CAMTA1: variants seen among roughly 807,000 people sequenced by gnomAD.
CAMTA1 encodes calmodulin binding transcription activator 1, also known as calmodulin-binding transcription activator 1.
A neutral mutation model predicts 170.9 loss-of-function variants in CAMTA1; 27 were observed. That is an observed-to-expected ratio of 0.16 (90% CI 0.12 to 0.22). The LOEUF (loss-of-function observed/expected upper bound fraction) is 0.22, where lower values mean the gene tolerates loss of function less well. Ranked by LOEUF, CAMTA1 falls within the 10% of genes least tolerant of loss-of-function variation. CAMTA1 has a pLI of 1.00. For missense variants in CAMTA1, 1,619 were observed against 2,217.2 expected (o/e 0.73, Z 5.42); for synonymous variants, 833 against 891.5 (o/e 0.93, Z 1.17).
chr1:7,630,659 C>T (rs879375155), intron 6 of CAMTA1, among the ~76,000 whole-genome samples: 2 of 152,240 alleles, frequency 1.3e-5, no homozygotes. Context: ...CCTGCTGGCG[C>T]ACAGGCTTGC....
rs1303349992 is a variant in CAMTA1, at chr1:7,276,293, ATATATATATATTTT to A, written c.438+26669_438+26682del. ...TACACCTGATCATATATATATATATATATATATATATTTTTTTTTTTTTTTTTTCTTTTTGAGAC... is the reference window on the plus strand; with the variant it reads ...TACACCTGATCATATATATATATATATTTTTTTTTTTTTTCTTTTTGAGAC... On this transcript the variant is annotated intron_variant, in intron 5 of 22. Coordinates refer to ENST00000303635, the MANE Select transcript of CAMTA1 (RefSeq NM_015215.4). Among the ~76,000 whole-genome samples, 17 of 22,058 alleles carry A rather than the reference ATATATATATATTTT, an allele frequency of 7.7e-4. 1 individual carries two copies. Among genetic ancestry groups the A allele is most frequent in the African/African-American group, 2.7e-3 (5 of 1,864 alleles). 14.5% of individuals were successfully genotyped at this position (22,058 alleles called of 152,430 possible). A position where few individuals can be genotyped will look rare whatever the true frequency, so the allele number is the denominator to read the frequency against.
In CAMTA1 at chr1:6,930,108, C is replaced by T. The variant is rs548295557; in HGVS notation, c.234+104898C>T. Among the ~76,000 whole-genome samples, 10 of 152,308 alleles carry T rather than the reference C, an allele frequency of 6.6e-5. No homozygotes were observed. In the South Asian group the frequency reaches 1.5e-3, roughly 22 times the overall value. On this transcript the variant is annotated intron_variant, in intron 3 of 22. Transcript: ENST00000303635. ...GTTTTAGGGTGAGCCTTTGCACATG[C>T]TCTTCCTTCTGCCTCCAGTACCTTG...
At position 7,767,347 on chromosome 1, in the gene CAMTA1, A is replaced by G. The variant is rs544483462; in HGVS notation, c.*856A>G. On this transcript the variant is annotated 3_prime_UTR_variant, in exon 23 of 23. Transcript: ENST00000303635. ...AGAATTACTTAAGAATTGGTAACGC[A>G]TGTAGCCTTTTTTAGTAACCTTGGA... 1.0e-4 allele frequency: 16 copies of G among 152,890 alleles called. No homozygotes were observed. The highest frequency in any genetic ancestry group is 3.8e-4 in the African/African-American group (16 of 41,568). 9.5% of individuals were successfully genotyped at this position (152,890 alleles called of 1,614,324 possible).
At chr1:7,397,362 A>T (rs2089406519) in intron 5 of CAMTA1, among the ~76,000 whole-genome samples, 1 of 151,394 alleles carries the variant, frequency 6.6e-6, no homozygotes, top group Non-Finnish European at 1.5e-5. Context: ...GATTTTTTTT[A>T]AATTTGAGTT....
chr1:7,012,298 G>A (rs921151549), intron 3 of CAMTA1, among the ~76,000 whole-genome samples: 2 of 152,096 alleles, frequency 1.3e-5, no homozygotes, highest in Non-Finnish European at 2.9e-5. Flanking sequence ...GACCTTGCCA[G>A]GTAGAGATAA....
intron 5 of CAMTA1, among the ~76,000 whole-genome samples, chr1:7,365,412 C>T (rs964501777): frequency 3.3e-5 from 5 of 152,142 alleles, no homozygotes; most frequent in Non-Finnish European, 1.5e-5. Context: ...GAAAGGAATT[C>T]CTCTCTCCTG....
At chr1:7,052,280 G>A (rs757082749) in intron 3 of CAMTA1, among the ~76,000 whole-genome samples, 3 of 151,932 alleles carry the variant, frequency 2.0e-5, no homozygotes, top group East Asian at 1.9e-4. Flanking sequence ...GTTTCGTGTC[G>A]TTCTCTCCGA....
rs190622954 is a variant in CAMTA1 at position 7,638,503 on chromosome 1, G to C, written c.511-1897G>C. Among the ~76,000 whole-genome samples the C allele has an allele frequency of 9.9e-5, 15 of 152,216 alleles. No homozygotes were observed. The East Asian group carries it at 1.5e-3, about 16-fold the overall frequency. On this transcript the variant is annotated intron_variant, in intron 6 of 22. Coordinates refer to ENST00000303635, the MANE Select transcript of CAMTA1 (RefSeq NM_015215.4). ...TAAAAATACAAAAATTAGCCGGGCT[G>C]TGGTGGCGTGCACGTGTAATCCCAG...
At chr1:6,950,175 A>G (rs2149471240) in intron 3 of CAMTA1, among the ~76,000 whole-genome samples, 1 of 152,324 alleles carries the variant, frequency 6.6e-6, no homozygotes, top group South Asian at 2.1e-4. Flanking sequence ...GGGCGGAGGC[A>G]GCAAGGAGGG....
intron 6 of CAMTA1, among the ~76,000 whole-genome samples, chr1:7,590,826 G>A (rs994634738): frequency 1.3e-5 from 2 of 152,224 alleles, no homozygotes; most frequent in African/African-American, 4.8e-5. Flanking sequence ...TTTCCCCAGA[G>A]CTGACGGCAG....
chr1:6,947,647 G>A (rs1687798775), intron 3 of CAMTA1, among the ~76,000 whole-genome samples: 2 of 151,854 alleles, frequency 1.3e-5, no homozygotes, highest in Non-Finnish European at 2.9e-5. Flanking sequence ...CTCCCAAAGT[G>A]CTGGGATTAC....
intron 5 of CAMTA1, among the ~76,000 whole-genome samples, chr1:7,356,878 T>G (rs569492213): frequency 2.6e-5 from 4 of 152,186 alleles, no homozygotes; most frequent in African/African-American, 7.2e-5. Context: ...ACCTGCTTCC[T>G]GGGGTTGAGA....
At chr1:7,612,112 G>T (rs936205752) in intron 6 of CAMTA1, among the ~76,000 whole-genome samples, 1 of 152,224 alleles carries the variant, frequency 6.6e-6, no homozygotes, top group Non-Finnish European at 1.5e-5. Flanking sequence ...GCTCAGTGGA[G>T]AGTCAGGATG....
Position 7,665,223 on chromosome 1 carries a change from CCT to C in CAMTA1, c.2652+25_2652+26del. 7.0e-7 allele frequency: 1 copy of C among 1,434,780 alleles called. No individual in the cohort carries two copies. The highest frequency in any genetic ancestry group is 9.1e-7 in the Non-Finnish European group (1 of 1,098,872). 88.9% of individuals were successfully genotyped at this position (1,434,780 alleles called of 1,614,324 possible). Reference sequence around the variant, plus strand: ...AGGTAAGCTGCCGCCGCTGCCACCACCTGTCACCTCCCCTCCCACCCACCTCG... The same window carrying C: ...AGGTAAGCTGCCGCCGCTGCCACCACGTCACCTCCCCTCCCACCCACCTCG... On this transcript the variant is annotated intron_variant, in intron 9 of 22. Coordinates refer to ENST00000303635, the MANE Select transcript of CAMTA1 (RefSeq NM_015215.4). The surrounding 1 kb of genome is among the most constrained non-coding windows in gnomAD (Gnocchi z 4.3).
chr1:7,556,198 C>A (rs2094874735), intron 6 of CAMTA1, among the ~76,000 whole-genome samples: 1 of 152,086 alleles, frequency 6.6e-6, no homozygotes, highest in African/African-American at 2.4e-5. Flanking sequence ...CTAAGTTGTC[C>A]CTGGCCTGGG....
chr1:6,909,584 A>T (rs896302152), intron 3 of CAMTA1, among the ~76,000 whole-genome samples: 2 of 152,152 alleles, frequency 1.3e-5, no homozygotes, highest in African/African-American at 4.8e-5. Flanking sequence ...GTTTGGCTGT[A>T]TGGGATTGGC....
chr1:7,392,887 A>G (rs952002830), intron 5 of CAMTA1, among the ~76,000 whole-genome samples: 22 of 151,708 alleles, frequency 1.5e-4, no homozygotes, highest in Admixed American at 5.3e-4. Flanking sequence ...CAATCAATCA[A>G]TCAATCAATC....
chr1:6,785,527 G>A lies in CAMTA1; in HGVS notation c.-4G>A. On this transcript the variant is annotated 5_prime_UTR_variant, in exon 1 of 23. Coordinates refer to ENST00000303635, the MANE Select transcript of CAMTA1 (RefSeq NM_015215.4). ...TCGGGGTCCCGGTCGCGAGGAGGAG[G>A]AGGATGTGGCGCGCGGAGGGGAAAT... is the stretch of plus-strand genomic sequence containing the variant. 1.9e-6 allele frequency: 2 copies of A among 1,072,966 alleles called. No homozygotes were observed. Among genetic ancestry groups the A allele is most frequent in the Non-Finnish European group, 2.3e-6 (2 of 871,894 alleles). 66.5% of individuals were successfully genotyped at this position (1,072,966 alleles called of 1,614,324 possible). A position where few individuals can be genotyped will look rare whatever the true frequency, so the allele number is the denominator to read the frequency against.
intron 5 of CAMTA1, among the ~76,000 whole-genome samples, chr1:7,436,682 G>C (rs1040825768): frequency 2.0e-5 from 3 of 152,184 alleles, no homozygotes; most frequent in Non-Finnish European, 4.4e-5. Context: ...CCCTTCCCGG[G>C]CCTGTGGCAT....
Sources: allele counts gnomAD v4.1 joint callset (sites outside exome capture counted in the v4.1 genomes callset), GRCh38; gene constraint gnomAD v4.1.1; non-coding constraint Gnocchi (gnomAD v3.1); transcripts MANE v1.5; gene names NCBI Gene and HGNC (gene_info 2026-07-23, HGNC 2026-07-21).